Variants in ACTL6A observed in about 807,000 individuals in gnomAD.
The protein encoded by ACTL6A is actin-like protein 6A.
ACTL6A carries 5 observed loss-of-function variants against 59.2 expected under a neutral mutation model. The ratio of observed to expected loss-of-function variants is 0.08; its 90% CI spans 0.04 to 0.18. The LOEUF (loss-of-function observed/expected upper bound fraction) is 0.18, where lower values mean the gene tolerates loss of function less well. Ranked by LOEUF, ACTL6A falls within the 10% of genes least tolerant of loss-of-function variation. The pLI, the probability that ACTL6A is intolerant of heterozygous loss-of-function variation, is 1.00. For synonymous variants in ACTL6A, 154 were observed against 171.8 expected (o/e 0.90, Z 0.81); for missense variants, 285 against 526.9 (o/e 0.54, Z 4.49).
At chr3:179,574,133 A>G (rs1718096434) in intron 4 of ACTL6A, among the ~76,000 whole-genome samples, 2 of 152,184 alleles carry the variant, frequency 1.3e-5, no homozygotes, top group South Asian at 4.1e-4. Context: ...CAATTTTATT[A>G]TTAAAGAATT....
intron 12 of ACTL6A, 76 bp downstream of exon 12, chr3:179,583,524 C>T (rs1342791563): frequency 1.3e-5 from 15 of 1,184,022 alleles, no homozygotes; most frequent in African/African-American, 7.7e-5. Context: ...TGTAGATAAG[C>T]GTCCATTTTT....
chr3:179,571,508 A>G (rs1031476751), intron 3 of ACTL6A, among the ~76,000 whole-genome samples: 1 of 152,172 alleles, frequency 6.6e-6, no homozygotes, highest in Non-Finnish European at 1.5e-5. Flanking sequence ...AGACTCACTC[A>G]CAGGACTCAG....
At position 179,574,363 on chromosome 3, in the gene ACTL6A, T is replaced by G; in HGVS notation, c.379-7T>G. On this transcript the variant is annotated splice_region_variant and splice_polypyrimidine_tract_variant and intron_variant, in intron 4 of 13. Coordinates refer to ENST00000429709, the MANE Select transcript of ACTL6A (RefSeq NM_004301.5). ...TAACTTGCATTTCTTTTTCCCCTCTTCTCAAGTGGAATACTAGAGCAAAGA... is the reference window on the plus strand; with the variant it reads ...TAACTTGCATTTCTTTTTCCCCTCTGCTCAAGTGGAATACTAGAGCAAAGA... 6.3e-7 allele frequency: 1 copy of G among 1,579,826 alleles called. No homozygotes were observed. Among genetic ancestry groups the G allele is most frequent in the Non-Finnish European group, 8.7e-7 (1 of 1,149,712 alleles).
chr3:179,574,680 C>T lies in ACTL6A; in HGVS notation c.476+213C>T, dbSNP rs73883561. 1,156 of 444,820 alleles carry T rather than the reference C, an allele frequency of 2.6e-3. 8 individuals carry two copies. Among genetic ancestry groups the T allele is most frequent in the African/African-American group, 0.021 (1,057 of 50,054 alleles). 27.6% of individuals were successfully genotyped at this position (444,820 alleles called of 1,614,324 possible). On this transcript the variant is annotated intron_variant, in intron 5 of 13. Coordinates refer to ENST00000429709, the MANE Select transcript of ACTL6A (RefSeq NM_004301.5). Reference sequence around the variant, plus strand: ...AGGGAAATAAAATAACACTCAAATTCTGAGTGTTAAGACGTTTTTGTTTTT... The same window carrying T: ...AGGGAAATAAAATAACACTCAAATTTTGAGTGTTAAGACGTTTTTGTTTTT...
At chr3:179,573,520 C>CT (rs71907893) in intron 4 of ACTL6A, 51 bp downstream of exon 4, 690 of 986,204 alleles carry the variant, frequency 7.0e-4, no homozygotes, top group Non-Finnish European at 8.7e-4. Flanking sequence ...TTTTTTTTTT[C>CT]TTTTTTTTTT....
At chr3:179,564,656 C>T (rs571768534) in intron 1 of ACTL6A, among the ~76,000 whole-genome samples, 165 of 152,074 alleles carry the variant, frequency 1.1e-3, no homozygotes, top group Non-Finnish European at 1.6e-3. Flanking sequence ...TAAAATTCCA[C>T]CATATCCAGT....
intron 13 of ACTL6A, 36 bp downstream of exon 13, chr3:179,586,668 C>T: frequency 2.1e-6 from 3 of 1,460,546 alleles, no homozygotes; most frequent in South Asian, 2.5e-5. Flanking sequence ...AATATTCTTA[C>T]TGAATTATAC....
At chr3:179,565,601 G>T (rs1368736289) in intron 1 of ACTL6A, among the ~76,000 whole-genome samples, 1 of 149,236 alleles carries the variant, frequency 6.7e-6, no homozygotes, top group Non-Finnish European at 1.5e-5. Flanking sequence ...TAATGGGGAT[G>T]ATGGAGGAGG....
chr3:179,569,382 T>C (rs1477218903), intron 1 of ACTL6A, among the ~76,000 whole-genome samples: 4 of 152,352 alleles, frequency 2.6e-5, no homozygotes, highest in South Asian at 2.1e-4. Context: ...TTCACCTATA[T>C]CTTTGCAAAT....
In ACTL6A at chr3:179,581,284, C is replaced by T. The variant is rs1213621476; in HGVS notation, c.1026+64C>T. On this transcript the variant is annotated intron_variant, in intron 11 of 13. Transcript: ENST00000429709. ...TTAGGGGACTGAAATGTCCCCAAAT[C>T]ATTGTTAGGTTGACAGTGATCTAAT... 3.1e-6 allele frequency: 4 copies of T among 1,307,294 alleles called. No individual in the cohort carries two copies. The African/African-American group carries it at 4.4e-5, about 14-fold the overall frequency. The allele number at this position is 1,307,294 out of a possible 1,614,324, so 81.0% of individuals were successfully genotyped here.
rs770077344 is a variant in ACTL6A at position 179,576,297 on chromosome 3, A to T, written c.557A>T (p.Tyr186Phe). The T allele has an allele frequency of 4.4e-6, 7 of 1,600,430 alleles. No individual in the cohort carries two copies. The highest frequency in any genetic ancestry group is 6.0e-6 in the Non-Finnish European group (7 of 1,176,138). ...HTTAIPVHDGYVLQQGIVKSP... is the reference protein window; with the variant it reads ...HTTAIPVHDGFVLQQGIVKSP... ...ACTGCAATTCCAGTCCACGATGGCTATGTCCTTCAACAAGGTAAATGTATT... is the reference window on the plus strand; with the variant it reads ...ACTGCAATTCCAGTCCACGATGGCTTTGTCCTTCAACAAGGTAAATGTATT... Residue 186 changes from tyrosine to phenylalanine, a missense_variant, in exon 6 of 14, where the codon TAT becomes TTT. Coordinates refer to ENST00000429709, the MANE Select transcript of ACTL6A (RefSeq NM_004301.5).
At chr3:179,586,244 C>T (rs1321266101) in intron 12 of ACTL6A, among the ~76,000 whole-genome samples, 2 of 152,034 alleles carry the variant, frequency 1.3e-5, no homozygotes, top group Admixed American at 1.3e-4. Context: ...ATTAGTCTAA[C>T]CTATGCTTGT....
Position 179,581,328 on chromosome 3 carries a change from C to T in ACTL6A, c.1026+108C>T, listed in dbSNP as rs1267505641. On this transcript the variant is annotated intron_variant, in intron 11 of 13. Coordinates refer to ENST00000429709, the MANE Select transcript of ACTL6A (RefSeq NM_004301.5). ...ATCTAATGGTTGTCAGTGTCATTGACTTTGAGGTTCATTTTATAACAGTAT... is the reference window on the plus strand; with the variant it reads ...ATCTAATGGTTGTCAGTGTCATTGATTTTGAGGTTCATTTTATAACAGTAT... 4 of 901,818 alleles carry T rather than the reference C, an allele frequency of 4.4e-6. No homozygotes were observed. In the African/African-American group the frequency reaches 4.9e-5, roughly 11 times the overall value. The allele number at this position is 901,818 out of a possible 1,614,324, so 55.9% of individuals were successfully genotyped here. A position where few individuals can be genotyped will look rare whatever the true frequency, so the allele number is the denominator to read the frequency against.
chr3:179,563,482 G>A (rs1263870450), intron 1 of ACTL6A, among the ~76,000 whole-genome samples: 1 of 152,354 alleles, frequency 6.6e-6, no homozygotes, highest in Admixed American at 6.5e-5. Flanking sequence ...CTCCCCGAGT[G>A]CCTCCTGGAC....
At position 179,588,057 on chromosome 3, in the gene ACTL6A, A is replaced by G; in HGVS notation, c.*47A>G. ...CCTTCCTTTTGTCACCTTACGTTTC[A>G]TAGCTTTAGTATACTCAGGAAAAGA... On this transcript the variant is annotated 3_prime_UTR_variant, in exon 14 of 14. Transcript: ENST00000429709. 1 of 1,412,786 alleles carries G rather than the reference A, an allele frequency of 7.1e-7. No individual in the cohort carries two copies. Among genetic ancestry groups the G allele is most frequent in the East Asian group, 2.4e-5 (1 of 42,070 alleles). 87.5% of individuals were successfully genotyped at this position (1,412,786 alleles called of 1,614,324 possible). A position where few individuals can be genotyped will look rare whatever the true frequency, so the allele number is the denominator to read the frequency against.
intron 8 of ACTL6A, among the ~76,000 whole-genome samples, chr3:179,579,237 T>A (rs1476337085): frequency 6.6e-6 from 1 of 152,126 alleles, no homozygotes; most frequent in Non-Finnish European, 1.5e-5. Context: ...AGGCTTTTTG[T>A]TGTTGTTGTT....
At chr3:179,583,637 T>C in intron 12 of ACTL6A, 189 bp downstream of exon 12, 2 of 472,926 alleles carry the variant, frequency 4.2e-6, no homozygotes, top group Non-Finnish European at 7.5e-6. Context: ...TCTTAAATTA[T>C]TTGAATCTCA....
At position 179,573,397 on chromosome 3, in the gene ACTL6A, T is replaced by A. The variant is rs1180237450; in HGVS notation, c.306T>A (p.Ile102=). ...AAGACTGGGATAGTTTCCAAGCTAT[T>A]TTGGATCATACCTACAAAATGCATG... ...MVEDWDSFQA[I]LDHTYKMHVK... is the part of the protein sequence containing the mutation. The change falls in exon 4 of 14, where the codon ATT becomes ATA. Residue 102 remains isoleucine, a synonymous_variant. Coordinates refer to ENST00000429709, the MANE Select transcript of ACTL6A (RefSeq NM_004301.5). The A allele has an allele frequency of 4.4e-6, 7 of 1,593,744 alleles. No individual in the cohort carries two copies. The Admixed American group carries it at 1.1e-4, about 24-fold the overall frequency.
intron 8 of ACTL6A, among the ~76,000 whole-genome samples, chr3:179,577,197 C>T (rs1037940162): frequency 3.9e-5 from 6 of 152,134 alleles, no homozygotes; most frequent in African/African-American, 1.4e-4. Context: ...TACATACTCA[C>T]TTGGATTACT....
Sources: allele counts gnomAD v4.1 joint callset (sites outside exome capture counted in the v4.1 genomes callset), GRCh38; gene constraint gnomAD v4.1.1; transcripts MANE v1.5; gene names NCBI Gene and HGNC (gene_info 2026-07-23, HGNC 2026-07-21).